The following SPSB4 variants were observed in gnomAD, a reference collection of about 807,000 sequenced individuals.
The protein encoded by SPSB4 is splA/ryanodine receptor domain and SOCS box containing 4.
Under a neutral mutation model 20.9 loss-of-function variants are expected in SPSB4, and 21 were observed. The observed-to-expected ratio is 1.01, with a 90% CI of 0.71 to 1.45. The LOEUF is 1.45. SPSB4 is among the 40% of genes most tolerant of loss of function. The pLI is 0.00. For missense variants in SPSB4, 399 were observed against 399.2 expected (o/e 1.00, Z 0.00); for synonymous variants, 207 against 183.8 (o/e 1.13, Z -1.02).
At position 141,129,044 on chromosome 3, in the gene SPSB4, G is replaced by A. The variant is rs111447253; in HGVS notation, c.695-18098G>A. Among the ~76,000 whole-genome samples the A allele has an allele frequency of 6.0e-3, 911 of 152,336 alleles. 9 individuals carry two copies. Among genetic ancestry groups the A allele is most frequent in the Middle Eastern group, 0.02 (6 of 294 alleles). On this transcript the variant is annotated intron_variant, in intron 2 of 2. Transcript: ENST00000310546. ...GGAAGCTGCTGTTTGCTCTGCAACA[G>A]TGTAGCTCCCTTTAGCCTGGGAGGG...
At chr3:141,078,065 C>T (rs1398083482) in intron 2 of SPSB4, among the ~76,000 whole-genome samples, 1 of 152,192 alleles carries the variant, frequency 6.6e-6, no homozygotes, top group Admixed American at 6.5e-5. Context: ...ATGCTGTGTT[C>T]CCAGATCTTG....
At chr3:141,076,088 AAAAT>A (rs1938104233) in intron 2 of SPSB4, among the ~76,000 whole-genome samples, 1 of 145,422 alleles carries the variant, frequency 6.9e-6, no homozygotes, top group African/African-American at 2.9e-5. Flanking sequence ...AAGATAAAAT[AAAAT>A]GCGTATTCCT....
intron 1 of SPSB4, among the ~76,000 whole-genome samples, chr3:141,059,922 C>T (rs573380382): frequency 6.6e-6 from 1 of 152,384 alleles, no homozygotes; most frequent in East Asian, 1.9e-4. Context: ...AGATTAAGTT[C>T]TGGCCTAGGG....
At chr3:141,075,917 C>T (rs1157201270) in intron 2 of SPSB4, among the ~76,000 whole-genome samples, 2 of 144,702 alleles carry the variant, frequency 1.4e-5, no homozygotes, top group African/African-American at 2.6e-5. Flanking sequence ...AAAAAAAAGC[C>T]AGGTATAGTA....
intron 2 of SPSB4, among the ~76,000 whole-genome samples, chr3:141,067,332 C>T (rs778523821): frequency 2.0e-5 from 3 of 152,164 alleles, no homozygotes; most frequent in Non-Finnish European, 2.9e-5. Flanking sequence ...CCAATTCCAG[C>T]GCTTATGGGC....
At chr3:141,053,899 C>T (rs1936137669) in intron 1 of SPSB4, among the ~76,000 whole-genome samples, 1 of 152,188 alleles carries the variant, frequency 6.6e-6, no homozygotes, top group Non-Finnish European at 1.5e-5. Flanking sequence ...CTGCCCTTCT[C>T]CACCTCTTCC....
chr3:141,104,119 A>C (rs1189908806), intron 2 of SPSB4, among the ~76,000 whole-genome samples: 2 of 152,232 alleles, frequency 1.3e-5, no homozygotes, highest in Non-Finnish European at 2.9e-5. Flanking sequence ...GAAGGGTGTG[A>C]TTATCTAGTG....
chr3:141,084,255 G>T (rs988429341), intron 2 of SPSB4, among the ~76,000 whole-genome samples: 1 of 152,126 alleles, frequency 6.6e-6, no homozygotes, highest in African/African-American at 2.4e-5. Context: ...CTATGGCCTG[G>T]AGCAGAAGCA....
chr3:141,141,555 A>G (rs1450047405), intron 2 of SPSB4, among the ~76,000 whole-genome samples: 3 of 152,362 alleles, frequency 2.0e-5, no homozygotes, highest in African/African-American at 7.2e-5. Flanking sequence ...CTGACACAGA[A>G]GAGGGAGATG....
chr3:141,095,041 C>T (rs1386881788), intron 2 of SPSB4, among the ~76,000 whole-genome samples: 2 of 152,116 alleles, frequency 1.3e-5, no homozygotes, highest in Non-Finnish European at 2.9e-5. Flanking sequence ...AGAAAAGGCT[C>T]CACTGGCTGG....
In SPSB4 at chr3:141,130,447, TCTC is replaced by T. The variant is rs150612708; in HGVS notation, c.695-16688_695-16686del. On this transcript the variant is annotated intron_variant, in intron 2 of 2. Transcript: ENST00000310546. ...GTGTGTGTGCTTGCACATGTGTGTGTCTCCTCCTCATTTCATTCCCTGAAAACA... is the reference window on the plus strand; with the variant it reads ...GTGTGTGTGCTTGCACATGTGTGTGTCTCCTCATTTCATTCCCTGAAAACA... Among the ~76,000 whole-genome samples the T allele has an allele frequency of 5.3e-3, 808 of 152,284 alleles. 8 individuals carry two copies. The highest frequency in any genetic ancestry group is 0.018 in the African/African-American group (750 of 41,560).
chr3:141,121,449 A>AT (rs1415580299), intron 2 of SPSB4, among the ~76,000 whole-genome samples: 1 of 152,096 alleles, frequency 6.6e-6, no homozygotes, highest in Non-Finnish European at 1.5e-5. Flanking sequence ...CTGAATTTGA[A>AT]TGTTGGCCTG....
chr3:141,119,348 G>T (rs1039039194), intron 2 of SPSB4, among the ~76,000 whole-genome samples: 1 of 152,198 alleles, frequency 6.6e-6, no homozygotes, highest in African/African-American at 2.4e-5. Flanking sequence ...TTTGTATCCT[G>T]AGACTTTGCT....
chr3:141,142,098 G>C (rs771722634), intron 2 of SPSB4, among the ~76,000 whole-genome samples: 1 of 152,064 alleles, frequency 6.6e-6, no homozygotes, highest in Admixed American at 6.6e-5. Context: ...AGTTTAGTTT[G>C]TTCTTGTTTC....
At chr3:141,080,341 A>G (rs2107786262) in intron 2 of SPSB4, 1 of 152,368 alleles carries the variant, frequency 6.6e-6, no homozygotes, top group African/African-American at 2.4e-5. Context: ...TGGGTCTACT[A>G]AGAACCATCT....
intron 2 of SPSB4, among the ~76,000 whole-genome samples, chr3:141,092,874 G>T (rs189019027): frequency 6.6e-6 from 1 of 152,372 alleles, no homozygotes; most frequent in African/African-American, 2.4e-5. Context: ...GAGGCTCAGA[G>T]GGGTGAAGTG....
At chr3:141,056,219 T>G (rs1937636214) in intron 1 of SPSB4, among the ~76,000 whole-genome samples, 1 of 152,250 alleles carries the variant, frequency 6.6e-6, no homozygotes, top group African/African-American at 2.4e-5. Flanking sequence ...AAATGTCATG[T>G]ATGGTGAACT....
intron 2 of SPSB4, among the ~76,000 whole-genome samples, chr3:141,142,413 T>C (rs774557691): frequency 9.9e-5 from 15 of 152,244 alleles, no homozygotes; most frequent in Non-Finnish European, 1.6e-4. Context: ...GGATACTTGA[T>C]ATAAGTTTGA....
chr3:141,113,261 A>G (rs1349757422), intron 2 of SPSB4, among the ~76,000 whole-genome samples: 2 of 152,216 alleles, frequency 1.3e-5, no homozygotes, highest in Non-Finnish European at 2.9e-5. Context: ...GAATCACCAT[A>G]TGACCCAGCA....
Sources: gnomAD v4.1 joint callset for allele counts (sites outside exome capture counted in the v4.1 genomes callset) on GRCh38, gnomAD v4.1.1 for gene constraint, MANE v1.5 for transcripts, NCBI Gene and HGNC (gene_info 2026-07-23, HGNC 2026-07-21) for gene names.